ANO4: variants seen among roughly 807,000 people sequenced by gnomAD.
The protein encoded by ANO4 is anoctamin 4, also known as anoctamin-4.
In ANO4, 69 loss-of-function variants were observed where a neutral mutation model predicts 141.9. That is an observed-to-expected ratio of 0.49 (90% CI 0.40 to 0.59). The LOEUF (loss-of-function observed/expected upper bound fraction) is 0.59, where lower values mean the gene tolerates loss of function less well. ANO4 is among the 20% of genes least tolerant of loss of function. The pLI, the probability that ANO4 is intolerant of heterozygous loss-of-function variation, is 0.00. For synonymous variants in ANO4, 350 were observed against 394.3 expected (o/e 0.89, Z 1.33); for missense variants, 894 against 1,162.2 (o/e 0.77, Z 3.36).
Position 100,964,417 on chromosome 12 carries a change from T to C in ANO4, c.457-6889T>C, listed in dbSNP as rs531934636. Among the ~76,000 whole-genome samples, 4 of 152,298 alleles carry C rather than the reference T, an allele frequency of 2.6e-5. No homozygotes were observed. The South Asian group carries it at 8.3e-4, about 32-fold the overall frequency. ...AACACCACCTAACGTGTAGTGGCAC[T>C]ATGTAGCTGGTCCCGTCTCTATCAT... On this transcript the variant is annotated intron_variant, in intron 5 of 27. Transcript: ENST00000392977.
At chr12:100,993,500 C>T (rs1053620816) in intron 8 of ANO4, among the ~76,000 whole-genome samples, 2 of 151,848 alleles carry the variant, frequency 1.3e-5, no homozygotes, top group Admixed American at 1.3e-4. Flanking sequence ...GGCGAGGCTA[C>T]CTGTCTAAAC....
intron 1 of ANO4, among the ~76,000 whole-genome samples, chr12:100,843,061 G>A (rs887769512): frequency 2.1e-4 from 32 of 152,088 alleles, no homozygotes; most frequent in African/African-American, 7.2e-4. Context: ...AATTATGATA[G>A]AGGAGCTGTT....
chr12:100,875,643 C>A (rs1020228276), intron 1 of ANO4, among the ~76,000 whole-genome samples: 4 of 152,148 alleles, frequency 2.6e-5, no homozygotes, highest in African/African-American at 4.8e-5. Flanking sequence ...GACATTGAGC[C>A]AGAGTGGAGA....
At chr12:100,916,996 C>G (rs1295491826) in intron 2 of ANO4, among the ~76,000 whole-genome samples, 2 of 147,586 alleles carry the variant, frequency 1.4e-5, no homozygotes, top group Non-Finnish European at 3.0e-5. Context: ...AAAAAAAAAG[C>G]CTAGCTGTAA....
intron 7 of ANO4, among the ~76,000 whole-genome samples, 162 bp downstream of exon 7, chr12:100,975,051 G>GA (rs1242640569): frequency 6.6e-6 from 1 of 151,972 alleles, no homozygotes; most frequent in Non-Finnish European, 1.5e-5. Context: ...AGCCTGAGGA[G>GA]AAAAAAAGAT....
At chr12:100,752,842 G>GAAA (rs1453011128) in intron 3 of ANO4, among the ~76,000 whole-genome samples, 1 of 152,124 alleles carries the variant, frequency 6.6e-6, no homozygotes, top group African/African-American at 2.4e-5. Flanking sequence ...TGATAATACT[G>GAAA]AATAACAAAC....
At chr12:100,960,857 G>A (rs75236562) in intron 5 of ANO4, among the ~76,000 whole-genome samples, 2,834 of 152,230 alleles carry the variant, frequency 0.019, 87 homozygotes, top group African/African-American at 0.065. Context: ...CCCAAGTTCA[G>A]TTTATCTCAT....
chr12:101,095,231 T>C (rs1478602565), intron 18 of ANO4, among the ~76,000 whole-genome samples: 1 of 152,234 alleles, frequency 6.6e-6, no homozygotes, highest in East Asian at 1.9e-4. Flanking sequence ...CTAGGCACTT[T>C]ACCTTATCTC....
chr12:100,857,600 C>T (rs936139333), intron 1 of ANO4, among the ~76,000 whole-genome samples: 12 of 152,122 alleles, frequency 7.9e-5, no homozygotes, highest in African/African-American at 1.7e-4. Flanking sequence ...GAAGCTGATA[C>T]GCAGACAAGT....
intron 3 of ANO4, among the ~76,000 whole-genome samples, chr12:100,751,505 A>G (rs1482128081): frequency 2.0e-5 from 3 of 152,090 alleles, no homozygotes; most frequent in Non-Finnish European, 2.9e-5. Context: ...ATATTTTGGA[A>G]ACTATGCAGT....
rs144308020 is a variant in ANO4 at position 100,877,502 on chromosome 12, C to T, written c.-140-24144C>T. Among the ~76,000 whole-genome samples, 23 of 151,104 alleles carry T rather than the reference C, an allele frequency of 1.5e-4. No individual in the cohort carries two copies. The East Asian group carries it at 3.1e-3, about 20-fold the overall frequency. ...GCAATTTGGGGTTGGTTCTAGACCA[C>T]GTGCTTTTTTTTTTTTCTTAATGGA... On this transcript the variant is annotated intron_variant, in intron 1 of 27. Transcript: ENST00000392977.
At chr12:101,003,200 A>G (rs1036570716) in intron 8 of ANO4, among the ~76,000 whole-genome samples, 1 of 152,230 alleles carries the variant, frequency 6.6e-6, no homozygotes, top group Non-Finnish European at 1.5e-5. Context: ...GGCCTGCACA[A>G]AGGTTTATTT....
At chr12:100,902,450 C>T (rs1464044016) in intron 2 of ANO4, among the ~76,000 whole-genome samples, 1 of 152,158 alleles carries the variant, frequency 6.6e-6, no homozygotes, top group African/African-American at 2.4e-5. Context: ...GTATTGAGTG[C>T]CAGCTACATG....
At chr12:100,890,141 C>CT (rs1346307486) in intron 1 of ANO4, among the ~76,000 whole-genome samples, 1 of 151,950 alleles carries the variant, frequency 6.6e-6, no homozygotes, top group Admixed American at 6.6e-5. Flanking sequence ...AAAACATATA[C>CT]TTTTTTTAGC....
intron 8 of ANO4, among the ~76,000 whole-genome samples, chr12:100,998,413 A>ATCTATCTG (rs1327998373): frequency 6.6e-6 from 1 of 150,506 alleles, no homozygotes; most frequent in Non-Finnish European, 1.5e-5. Context: ...CTATCTATCT[A>ATCTATCTG]TCCATCCTAT....
intron 14 of ANO4, among the ~76,000 whole-genome samples, chr12:101,064,862 C>T (rs2048512013): frequency 6.6e-6 from 1 of 152,064 alleles, no homozygotes; most frequent in African/African-American, 2.4e-5. Context: ...TCACATTGTC[C>T]TGCTCCCTCC....
intron 5 of ANO4, among the ~76,000 whole-genome samples, chr12:100,954,315 G>A (rs1216161815): frequency 6.6e-6 from 1 of 152,144 alleles, no homozygotes; most frequent in Non-Finnish European, 1.5e-5. Flanking sequence ...ACAGCAGCAG[G>A]TCACAGGTGC....
chr12:100,930,137 T>G (rs1239708650), intron 3 of ANO4, among the ~76,000 whole-genome samples: 1 of 152,202 alleles, frequency 6.6e-6, no homozygotes, highest in Non-Finnish European at 1.5e-5. Flanking sequence ...GGGTTGTCTC[T>G]TCACTTTGTT....
intron 8 of ANO4, among the ~76,000 whole-genome samples, chr12:101,007,714 A>C (rs1023180114): frequency 6.6e-6 from 1 of 152,156 alleles, no homozygotes; most frequent in African/African-American, 2.4e-5. Flanking sequence ...CCCAGAACTC[A>C]GAGTTTTGTT....
Sources: gnomAD v4.1 joint callset for allele counts (sites outside exome capture counted in the v4.1 genomes callset) on GRCh38, gnomAD v4.1.1 for gene constraint, MANE v1.5 for transcripts, NCBI Gene and HGNC (gene_info 2026-07-23, HGNC 2026-07-21) for gene names.